AEBP2: variants seen among roughly 807,000 people sequenced by gnomAD.
AEBP2 encodes AE binding protein 2, also known as zinc finger protein AEBP2.
AEBP2 carries 10 observed loss-of-function variants against 50.8 expected under a neutral mutation model. The observed-to-expected ratio is 0.20, with a 90% CI of 0.12 to 0.33. AEBP2 has a LOEUF of 0.33. Among genes scored for constraint, AEBP2 ranks in the 10% least tolerant of loss-of-function variants. AEBP2 has a pLI of 1.00. For synonymous variants in AEBP2, 296 were observed against 261.3 expected, an observed-to-expected ratio of 1.13 and a Z score of -1.28; for missense variants, 570 against 688.0, an observed-to-expected ratio of 0.83 and a Z score of 1.92.
chr12:19,421,846 T>C (rs1040277316), intron 1 of AEBP2, among the ~76,000 whole-genome samples: 1 of 152,154 alleles, frequency 6.6e-6, no homozygotes, highest in Non-Finnish European at 1.5e-5. Flanking sequence ...ATATCTTCAG[T>C]ATTTAAAAAG....
chr12:19,440,726 A>G (rs1490526130), intron 1 of AEBP2: 3 of 1,533,562 alleles, frequency 2.0e-6, no homozygotes, highest in Admixed American at 2.0e-5. Context: ...TCGGTACTCA[A>G]GGTTAGCTTC....
Position 19,412,606 on chromosome 12 carries a change from T to TTA in AEBP2, c.-17+8391_-17+8392insAT, listed in dbSNP as rs1592702037. ...GAAGGTTATTATTATTATTATTATT[T>TTA]TTAATTTTATGGAGACAGAATCTCA... On this transcript the variant is annotated intron_variant, in intron 1 of 3. Coordinates refer to the AEBP2 transcript ENST00000538425. Among the ~76,000 whole-genome samples, 9 of 151,044 alleles carry TTA rather than the reference T, an allele frequency of 6.0e-5. No individual in the cohort carries two copies. The Admixed American group carries it at 6.0e-4, about 10-fold the overall frequency.
intron 1 of AEBP2, among the ~76,000 whole-genome samples, chr12:19,404,701 G>A (rs955397632): frequency 3.9e-5 from 6 of 152,126 alleles, no homozygotes; most frequent in African/African-American, 1.4e-4. Flanking sequence ...AGAAAAGAAC[G>A]TTGGGTCTGG....
At chr12:19,428,025 TC>T (rs1467564511) in intron 1 of AEBP2, among the ~76,000 whole-genome samples, 1 of 152,040 alleles carries the variant, frequency 6.6e-6, no homozygotes, top group East Asian at 1.9e-4. Flanking sequence ...TCGCTTGAGC[TC>T]AGGAGTTCGA....
chr12:19,457,729 G>A, intron 1 of AEBP2: 1 of 871,418 alleles, frequency 1.1e-6, no homozygotes, highest in East Asian at 3.5e-5. Flanking sequence ...GCTAGTCAGA[G>A]AGATCTTTTC....
At chr12:19,488,990 A>G (rs1207436246) in intron 3 of AEBP2, among the ~76,000 whole-genome samples, 1 of 151,872 alleles carries the variant, frequency 6.6e-6, no homozygotes, top group Non-Finnish European at 1.5e-5. Context: ...GGTTTCACCA[A>G]GTTGGCCAGG....
intron 1 of AEBP2, among the ~76,000 whole-genome samples, chr12:19,434,203 T>C (rs112716083): frequency 0.027 from 4,162 of 151,540 alleles, 63 homozygotes; most frequent in East Asian, 0.044. Flanking sequence ...GATGGAGTTT[T>C]GCTCTTGTTG....
chr12:19,476,346 G>C (rs1214457657), intron 3 of AEBP2, among the ~76,000 whole-genome samples: 8 of 151,788 alleles, frequency 5.3e-5, no homozygotes, highest in Non-Finnish European at 8.8e-5. Flanking sequence ...ATGGTTTTTA[G>C]TTTTTATTTT....
At chr12:19,463,019 G>A (rs144757948) in intron 2 of AEBP2, among the ~76,000 whole-genome samples, 1 of 152,308 alleles carries the variant, frequency 6.6e-6, no homozygotes, top group East Asian at 1.9e-4. Context: ...GATGTTTTGA[G>A]TTGAGAACAT....
Position 19,440,454 on chromosome 12 carries a change from CGCGATCCCCCTG to C in AEBP2, c.671+85_671+96del, listed in dbSNP as rs1429796686. On this transcript the variant is annotated intron_variant, in intron 1 of 7. Coordinates refer to ENST00000266508, the MANE Select transcript of AEBP2 (RefSeq NM_153207.5). Reference sequence around the variant, plus strand: ...GAGGGGGACCAAGGCGACGTTTTGCCGCGATCCCCCTGCTCCCCGAATCCTCGGCCCCTCCCC... The same window carrying C: ...GAGGGGGACCAAGGCGACGTTTTGCCCTCCCCGAATCCTCGGCCCCTCCCC... The C allele has an allele frequency of 3.6e-5, 51 of 1,419,352 alleles. No homozygotes were observed. The South Asian group carries it at 6.2e-4, about 17-fold the overall frequency. The allele number at this position is 1,419,352 out of a possible 1,614,324, so 87.9% of individuals were successfully genotyped here.
intron 1 of AEBP2, among the ~76,000 whole-genome samples, chr12:19,454,066 T>C (rs1948216434): frequency 6.6e-6 from 1 of 152,066 alleles, no homozygotes; most frequent in Admixed American, 6.6e-5. Context: ...TTTGTTCTTT[T>C]TTAAAAATGG....
intron 5 of AEBP2, among the ~76,000 whole-genome samples, chr12:19,505,782 T>C (rs1949147188): frequency 6.6e-6 from 1 of 151,756 alleles, no homozygotes; most frequent in Non-Finnish European, 1.5e-5. Flanking sequence ...TGTTTGTTTG[T>C]TTTGTTTTTT....
chr12:19,453,590 ATTT>A (rs1415474233), intron 1 of AEBP2, among the ~76,000 whole-genome samples: 2 of 150,726 alleles, frequency 1.3e-5, no homozygotes, highest in Non-Finnish European at 3.0e-5. Context: ...TGCCCAGCTA[ATTT>A]TTGTGTTTTT....
intron 5 of AEBP2, among the ~76,000 whole-genome samples, chr12:19,507,828 T>G (rs1011497718): frequency 3.3e-5 from 5 of 152,198 alleles, no homozygotes; most frequent in African/African-American, 1.2e-4. Context: ...CAGAATCAAT[T>G]CTGTTAGTAG....
chr12:19,472,008 C>T (rs1378198164), intron 2 of AEBP2, among the ~76,000 whole-genome samples: 2 of 152,076 alleles, frequency 1.3e-5, no homozygotes, highest in African/African-American at 4.8e-5. Context: ...CTAGCAAATT[C>T]GTTGTGGAGT....
intron 5 of AEBP2, among the ~76,000 whole-genome samples, 177 bp downstream of exon 5, chr12:19,500,398 T>C (rs1034797894): frequency 2.6e-5 from 4 of 152,250 alleles, no homozygotes; most frequent in Non-Finnish European, 5.9e-5. Context: ...ACATTTCTTA[T>C]AATTTTACAT....
At chr12:19,469,624 A>G (rs1424101702) in intron 2 of AEBP2, among the ~76,000 whole-genome samples, 1 of 152,130 alleles carries the variant, frequency 6.6e-6, no homozygotes, top group Non-Finnish European at 1.5e-5. Context: ...GCTAATTTAA[A>G]CATTTTCAGA....
intron 1 of AEBP2, among the ~76,000 whole-genome samples, chr12:19,457,997 A>G (rs1045733232): frequency 6.6e-6 from 1 of 152,216 alleles, no homozygotes; most frequent in African/African-American, 2.4e-5. Context: ...TTCACATTTC[A>G]TGAAATCAGT....
chr12:19,480,748 C>T (rs1303592009), intron 3 of AEBP2, among the ~76,000 whole-genome samples: 1 of 152,154 alleles, frequency 6.6e-6, no homozygotes, highest in Non-Finnish European at 1.5e-5. Context: ...TTTAGATAAC[C>T]TGATGACTGT....
Sources: allele counts gnomAD v4.1 joint callset (sites outside exome capture counted in the v4.1 genomes callset), GRCh38; gene constraint gnomAD v4.1.1; transcripts MANE v1.5; gene names NCBI Gene and HGNC (gene_info 2026-07-23, HGNC 2026-07-21).